Variants in UNC13A observed in about 807,000 individuals in gnomAD.
The protein encoded by UNC13A is protein unc-13 homolog A.
In UNC13A, 61 loss-of-function variants were observed where a neutral mutation model predicts 219.7. The ratio of observed to expected loss-of-function variants is 0.28; its 90% CI spans 0.23 to 0.34. The LOEUF is 0.34. UNC13A is among the 10% of genes least tolerant of loss of function. The pLI, the probability that UNC13A is intolerant of heterozygous loss-of-function variation, is 1.00. For synonymous variants in UNC13A, 920 were observed against 884.6 expected, an observed-to-expected ratio of 1.04 and a Z score of -0.71; for missense variants, 1,476 against 2,270.3, an observed-to-expected ratio of 0.65 and a Z score of 7.11.
Position 17,606,263 on chromosome 19 carries a change from G to A in UNC13A, c.4903C>T (p.Leu1635=), listed in dbSNP as rs2076527438. The change falls in exon 44 of 44, where the codon CTG becomes TTG. Residue 1635 remains leucine (L), a synonymous_variant. Transcript: ENST00000519716. ...CFAREDRTVG[L]AVLQLRELAQ... is the part of the protein sequence containing the mutation. ...AGCTCACGCAGCTGCAGCACGGCCAGCCCCACCGTGCGGTCCTCGCGCGCG... is the reference window on the plus strand; with the variant it reads ...AGCTCACGCAGCTGCAGCACGGCCAACCCCACCGTGCGGTCCTCGCGCGCG... 4 of 1,547,254 alleles carry A rather than the reference G, an allele frequency of 2.6e-6. No individual in the cohort carries two copies. The highest frequency in any genetic ancestry group is 2.8e-5 in the African/African-American group (2 of 72,320).
chr19:17,643,056 G>A lies in UNC13A; in HGVS notation c.2357-96C>T, dbSNP rs1264852465. Reference sequence around the variant, plus strand: ...GAGGGAGTCTTGCTCTTGTCACCCAGGCTGGAGTGCAGTGGCACGATCTCA... The same window carrying A: ...GAGGGAGTCTTGCTCTTGTCACCCAAGCTGGAGTGCAGTGGCACGATCTCA... On this transcript the variant is annotated intron_variant, in intron 19 of 43. Coordinates refer to ENST00000519716, the MANE Select transcript of UNC13A (RefSeq NM_001080421.3). 9.4e-6 allele frequency: 9 copies of A among 960,042 alleles called. No individual in the cohort carries two copies. In the East Asian group the frequency reaches 2.5e-4, roughly 26 times the overall value. The allele number at this position is 960,042 out of a possible 1,614,324, so 59.5% of individuals were successfully genotyped here.
At chr19:17,645,064 A>G (rs2077011241) in intron 19 of UNC13A, among the ~76,000 whole-genome samples, 1 of 137,648 alleles carries the variant, frequency 7.3e-6, no homozygotes, top group African/African-American at 2.8e-5. Context: ...GCTGGAGTGC[A>G]GTGGCGCAGT....
chr19:17,677,982 G>A (rs1051071540), intron 1 of UNC13A, among the ~76,000 whole-genome samples: 1 of 152,150 alleles, frequency 6.6e-6, no homozygotes, highest in Non-Finnish European at 1.5e-5. Flanking sequence ...CTTGAAGAGC[G>A]TGTACTAGCG....
chr19:17,613,049 T>C (rs1230085240), intron 41 of UNC13A, among the ~76,000 whole-genome samples: 2 of 152,052 alleles, frequency 1.3e-5, no homozygotes, highest in Non-Finnish European at 2.9e-5. Flanking sequence ...CTGGCCAACA[T>C]GGCGAAACCC....
intron 8 of UNC13A, among the ~76,000 whole-genome samples, chr19:17,658,624 C>A (rs1379837453): frequency 6.6e-6 from 1 of 152,086 alleles, no homozygotes; most frequent in Non-Finnish European, 1.5e-5. Flanking sequence ...TTCCACTGAG[C>A]AGTTAGTTTC....
intron 8 of UNC13A, among the ~76,000 whole-genome samples, chr19:17,660,329 T>C (rs2079529203): frequency 6.6e-6 from 1 of 152,128 alleles, no homozygotes; most frequent in Admixed American, 6.6e-5. Flanking sequence ...GGTAAATTAC[T>C]TTGAGTTGGA....
At position 17,662,062 on chromosome 19, in the gene UNC13A, T is replaced by C. The variant is rs146054394; in HGVS notation, c.559+1470A>G. On this transcript the variant is annotated intron_variant, in intron 8 of 43. Transcript: ENST00000519716. ...TTCACAACCAGCCTGGCCAACATGG[T>C]GAAACCCCATCTCTACTAAAAATAC... Among the ~76,000 whole-genome samples, 1,399 of 152,044 alleles carry C rather than the reference T, an allele frequency of 9.2e-3. 20 individuals carry two copies. Among genetic ancestry groups the C allele is most frequent in the African/African-American group, 0.029 (1,183 of 41,482 alleles).
Position 17,640,606 on chromosome 19 carries a change from T to C in UNC13A, c.2692A>G (p.Ser898Gly). 1.9e-6 allele frequency: 3 copies of C among 1,586,734 alleles called. No homozygotes were observed. Among genetic ancestry groups the C allele is most frequent in the Non-Finnish European group, 1.7e-6 (2 of 1,167,276 alleles). The stretch of plus-strand genomic sequence containing the variant: ...GCATTGATGTTGGCGAGCAGGGTGC[T>C]CATGACGGCAGGCACCCCTGGGCAC... ...YMCPGVPAVMSTLLANINAYY... is the reference protein window; with the variant it reads ...YMCPGVPAVMGTLLANINAYY... The change falls in exon 22 of 44, where the codon AGC becomes GGC. Residue 898 changes from serine to glycine, a missense_variant. Ser to Gly is a moderately conservative substitution (Grantham distance 56). Transcript: ENST00000519716.
At position 17,655,374 on chromosome 19, in the gene UNC13A, G is replaced by C. The variant is rs554093295; in HGVS notation, c.1292C>G (p.Pro431Arg). ...CTCCTGGCCTTCCTCATCCTCTCTCGGCCTGAAACTGAGGCAGGGAACGCT... is the reference window on the plus strand; with the variant it reads ...CTCCTGGCCTTCCTCATCCTCTCTCCGCCTGAAACTGAGGCAGGGAACGCT... Reference protein sequence around the residue: ...EPPKDEESFRPREDEEGQEGQ... With the variant: ...EPPKDEESFRRREDEEGQEGQ... The change falls in exon 11 of 44, where the codon CCG (proline) becomes CGG (arginine). Residue 431 changes from proline to arginine, a missense_variant. By Grantham distance (103) the Pro-to-Arg change is moderately radical (BLOSUM62 -2). Transcript: ENST00000519716. 1 of 1,580,318 alleles carries C rather than the reference G, an allele frequency of 6.3e-7. No homozygotes were observed.
chr19:17,631,213 T>TCCCTCCC (rs2076849954), intron 28 of UNC13A, among the ~76,000 whole-genome samples: 13 of 44,562 alleles, frequency 2.9e-4, no homozygotes, highest in African/African-American at 7.0e-4. Flanking sequence ...CCTTCCTTCC[T>TCCCTCCC]TCCTTCCTTC....
At position 17,602,815 on chromosome 19, in the gene UNC13A, C is replaced by G. The variant is rs2076479747; in HGVS notation, c.*3239G>C. 6.6e-6 allele frequency: 1 copy of G among 152,280 alleles called. No homozygotes were observed. The highest frequency in any genetic ancestry group is 6.5e-5 in the Admixed American group (1 of 15,278). The allele number at this position is 152,280 out of a possible 1,614,324, so 9.4% of individuals were successfully genotyped here. On this transcript the variant is annotated 3_prime_UTR_variant, in exon 44 of 44. Coordinates refer to ENST00000519716, the MANE Select transcript of UNC13A (RefSeq NM_001080421.3). ...ACAGACATGCATGCGGATGTGTATT[C>G]TCACACTGACCCTGCCCCAATACAT...
At chr19:17,683,631 CCGGGTG>C (rs1158567148) in intron 1 of UNC13A, among the ~76,000 whole-genome samples, 3 of 151,838 alleles carry the variant, frequency 2.0e-5, no homozygotes, top group African/African-American at 7.3e-5. Context: ...ACACTGCAGT[CCGGGTG>C]ACAGAGTGAG....
At chr19:17,653,328 A>AT (rs1159567697) in intron 11 of UNC13A, among the ~76,000 whole-genome samples, 13 of 111,032 alleles carry the variant, frequency 1.2e-4, no homozygotes, top group Non-Finnish European at 1.8e-4. Context: ...CTCCTGAAAT[A>AT]AATATATATA....
chr19:17,614,474 C>T (rs2076640039), intron 41 of UNC13A: 1 of 152,428 alleles, frequency 6.6e-6, no homozygotes, highest in African/African-American at 2.4e-5. Flanking sequence ...TTCTGTGACT[C>T]AAAAGGGCAT....
At chr19:17,682,027 A>C (rs2080029387) in intron 1 of UNC13A, among the ~76,000 whole-genome samples, 1 of 147,422 alleles carries the variant, frequency 6.8e-6, no homozygotes, top group South Asian at 2.1e-4. Context: ...ACCTCGGCTC[A>C]CTGCAACCTC....
At chr19:17,632,193 G>A (rs1317259817) in intron 28 of UNC13A, among the ~76,000 whole-genome samples, 1 of 152,168 alleles carries the variant, frequency 6.6e-6, no homozygotes, top group Admixed American at 6.5e-5. Context: ...TTACAGGCAT[G>A]AGCCACTGCG....
chr19:17,655,482 T>A, intron 10 of UNC13A, 100 bp from the exon 11 acceptor site: 1 of 962,692 alleles, frequency 1.0e-6, no homozygotes, highest in Non-Finnish European at 1.6e-6. Flanking sequence ...CTCCCCATGG[T>A]ATCTCTGACC....
intron 6 of UNC13A, among the ~76,000 whole-genome samples, chr19:17,667,547 C>T (rs10405068): frequency 1.5e-3 from 226 of 152,126 alleles, no homozygotes; most frequent in African/African-American, 5.2e-3. Flanking sequence ...GATCTCGGCT[C>T]ACTGCAACTT....
In UNC13A at chr19:17,641,606, G is replaced by A. The variant is rs771276943; in HGVS notation, c.2473-50C>T. On this transcript the variant is annotated intron_variant, in intron 20 of 43. Transcript: ENST00000519716. ...CATGGAGAGTGCAAGGGGTCGCCGG[G>A]GGTCAGAGGTCCCAGGGTCTGGGGC... is the stretch of plus-strand genomic sequence containing the variant. 1.1e-5 allele frequency: 17 copies of A among 1,588,632 alleles called. No individual in the cohort carries two copies. The South Asian group carries it at 1.6e-4, about 15-fold the overall frequency.
Sources: allele counts gnomAD v4.1 joint callset (sites outside exome capture counted in the v4.1 genomes callset), GRCh38; gene constraint gnomAD v4.1.1; transcripts MANE v1.5; gene names NCBI Gene and HGNC (gene_info 2026-07-23, HGNC 2026-07-21).